TNFSF4: variants seen among roughly 807,000 people sequenced by gnomAD.
The protein encoded by TNFSF4 is tumor necrosis factor ligand superfamily member 4.
A neutral mutation model predicts 7.3 loss-of-function variants in TNFSF4; 4 were observed. That is an observed-to-expected ratio of 0.55 (90% CI 0.27 to 1.25). The LOEUF is 1.25. TNFSF4 is among the 50% of genes most tolerant of loss of function. TNFSF4 has a pLI of 0.12. For synonymous variants in TNFSF4, 76 were observed against 83.7 expected (o/e 0.91, Z 0.50); for missense variants, 181 against 208.8 (o/e 0.87, Z 0.82).
At chr1:173,327,375 T>C in the TNFSF4 span, among the ~76,000 whole-genome samples, 3 of 152,010 alleles carry the variant, frequency 2.0e-5, no homozygotes, top group Non-Finnish European at 2.9e-5. Flanking sequence ...AAGACTTAAA[T>C]GTTAGACCTA....
chr1:173,250,128 C>T, the TNFSF4 span, among the ~76,000 whole-genome samples: 4 of 152,258 alleles, frequency 2.6e-5, no homozygotes, highest in South Asian at 2.1e-4. Context: ...AGAAGCCATT[C>T]GATAGCTAAC....
chr1:173,252,712 A>C, the TNFSF4 span, among the ~76,000 whole-genome samples: 5 of 152,320 alleles, frequency 3.3e-5, no homozygotes, highest in Admixed American at 2.0e-4. Flanking sequence ...GGCTGATAGA[A>C]AGCAGCAACT....
At chr1:173,278,771 C>T in the TNFSF4 span, among the ~76,000 whole-genome samples, 4 of 151,822 alleles carry the variant, frequency 2.6e-5, no homozygotes. Flanking sequence ...GAAGCATTCT[C>T]GAAATAAATT....
At chr1:173,386,998 A>G in the TNFSF4 span, among the ~76,000 whole-genome samples, 2 of 152,184 alleles carry the variant, frequency 1.3e-5, no homozygotes, top group Admixed American at 6.5e-5. Flanking sequence ...TACAGCTGGA[A>G]AGCAATTTGC....
the TNFSF4 span, among the ~76,000 whole-genome samples, chr1:173,371,260 C>T: frequency 6.6e-6 from 1 of 152,218 alleles, no homozygotes; most frequent in African/African-American, 2.4e-5. Context: ...GTATTTCTCC[C>T]ACCTCCTCAG....
At chr1:173,392,003 G>A in the TNFSF4 span, among the ~76,000 whole-genome samples, 1 of 152,092 alleles carries the variant, frequency 6.6e-6, no homozygotes, top group Non-Finnish European at 1.5e-5. Flanking sequence ...TTAAATCTTT[G>A]GGGAATATTG....
chr1:173,186,263 G>T lies in TNFSF4; in HGVS notation c.*253C>A, dbSNP rs1482541078. ...TTCTTTCTCACAAAGGTGCCTAGTA[G>T]GCTCAAGGCAATCTTGGGGTGTGAC... On this transcript the variant is annotated 3_prime_UTR_variant, in exon 3 of 3. Transcript: ENST00000281834. The T allele has an allele frequency of 2.5e-6, 1 of 395,534 alleles. No individual in the cohort carries two copies. The highest frequency in any genetic ancestry group is 2.0e-5 in the African/African-American group (1 of 49,616). 24.5% of individuals were successfully genotyped at this position (395,534 alleles called of 1,614,324 possible).
chr1:173,263,482 C>G, the TNFSF4 span, among the ~76,000 whole-genome samples: 1 of 152,180 alleles, frequency 6.6e-6, no homozygotes, highest in Non-Finnish European at 1.5e-5. Context: ...ACTCACAACT[C>G]AATTGGACCC....
the TNFSF4 span, among the ~76,000 whole-genome samples, chr1:173,243,517 A>T: frequency 6.6e-6 from 1 of 152,214 alleles, no homozygotes; most frequent in Non-Finnish European, 1.5e-5. Context: ...TTGGTCTGTT[A>T]CTATGCAGTG....
the TNFSF4 span, among the ~76,000 whole-genome samples, chr1:173,227,742 A>G: frequency 1.6e-4 from 25 of 152,170 alleles, no homozygotes; most frequent in African/African-American, 5.6e-4. Flanking sequence ...CCACCCTAAT[A>G]CTGTGCTTTT....
At chr1:173,178,674 T>C in the TNFSF4 span, among the ~76,000 whole-genome samples, 1 of 152,250 alleles carries the variant, frequency 6.6e-6, no homozygotes, top group East Asian at 1.9e-4. Flanking sequence ...ATTTAAAATA[T>C]GTTATTCTGT....
the TNFSF4 span, among the ~76,000 whole-genome samples, chr1:173,237,695 A>G: frequency 6.6e-6 from 1 of 152,164 alleles, no homozygotes; most frequent in Non-Finnish European, 1.5e-5. Context: ...TAATACAGCT[A>G]ATCAGGGAAG....
the TNFSF4 span, among the ~76,000 whole-genome samples, chr1:173,403,714 C>T: frequency 6.6e-6 from 1 of 152,024 alleles, no homozygotes; most frequent in South Asian, 2.1e-4. Context: ...CAAGCCTGGC[C>T]AAGATGGTGA....
chr1:173,313,100 T>C, the TNFSF4 span, among the ~76,000 whole-genome samples: 1 of 152,042 alleles, frequency 6.6e-6, no homozygotes, highest in South Asian at 2.1e-4. Flanking sequence ...TTCTACTAAA[T>C]AGTTGAAAAT....
chr1:173,205,672 T>C, intron 1 of TNFSF4: 2 of 845,214 alleles, frequency 2.4e-6, no homozygotes, highest in Non-Finnish European at 2.9e-6. Flanking sequence ...ACTCTCTTTG[T>C]TTTCTTCTCA....
the TNFSF4 span, among the ~76,000 whole-genome samples, chr1:173,271,344 C>A: frequency 6.6e-6 from 1 of 152,046 alleles, no homozygotes; most frequent in East Asian, 1.9e-4. Flanking sequence ...TGAAGGGATC[C>A]CGTTTCAGCT....
At chr1:173,275,089 AAAC>A in the TNFSF4 span, among the ~76,000 whole-genome samples, 77 of 152,252 alleles carry the variant, frequency 5.1e-4, 1 homozygote, top group African/African-American at 1.8e-3. Flanking sequence ...GTTGGAAAGG[AAAC>A]AACAAGCCCA....
chr1:173,229,330 C>A, the TNFSF4 span, among the ~76,000 whole-genome samples: 6 of 152,256 alleles, frequency 3.9e-5, no homozygotes, highest in East Asian at 1.9e-4. Context: ...TCCAGCCAAA[C>A]TAAGCTTCAT....
the TNFSF4 span, among the ~76,000 whole-genome samples, chr1:173,285,309 C>T: frequency 2.0e-5 from 3 of 152,066 alleles, no homozygotes; most frequent in Non-Finnish European, 4.4e-5. Context: ...GAGTTGCTTC[C>T]TCATTCATAG....
Sources: allele counts gnomAD v4.1 joint callset (sites outside exome capture counted in the v4.1 genomes callset), GRCh38; gene constraint gnomAD v4.1.1; transcripts MANE v1.5; gene names NCBI Gene and HGNC (gene_info 2026-07-23, HGNC 2026-07-21).